The following ZYG11B variants were observed in gnomAD, a reference collection of about 807,000 sequenced individuals.
ZYG11B encodes zyg-11 family member B, cell cycle regulator.
Under a neutral mutation model 82.4 loss-of-function variants are expected in ZYG11B, and 36 were observed. That is an observed-to-expected ratio of 0.44 (90% CI 0.33 to 0.58). The LOEUF (loss-of-function observed/expected upper bound fraction) is 0.58. Ranked by LOEUF, ZYG11B falls within the 20% of genes least tolerant of loss-of-function variation. The pLI is 0.02. For synonymous variants in ZYG11B, 303 were observed against 312.8 expected (o/e 0.97, Z 0.33); for missense variants, 552 against 895.6 (o/e 0.62, Z 4.90).
chr1:52,813,167 G>C (rs764180354), intron 10 of ZYG11B, among the ~76,000 whole-genome samples: 7 of 152,094 alleles, frequency 4.6e-5, no homozygotes, highest in Non-Finnish European at 7.4e-5. Context: ...ACTACTTTCT[G>C]GTAGTTCTTT....
chr1:52,735,425 A>T (rs1185334538), intron 1 of ZYG11B, among the ~76,000 whole-genome samples: 2 of 152,312 alleles, frequency 1.3e-5, no homozygotes, highest in East Asian at 3.9e-4. Flanking sequence ...TTCTCACACT[A>T]AGTAATTGTG....
chr1:52,787,864 A>T (rs1481131879), intron 5 of ZYG11B, among the ~76,000 whole-genome samples: 1 of 152,022 alleles, frequency 6.6e-6, no homozygotes, highest in Non-Finnish European at 1.5e-5. Flanking sequence ...CTATTTTGAA[A>T]TTTTTTTAGC....
chr1:52,782,294 G>T (rs796367246), intron 4 of ZYG11B, among the ~76,000 whole-genome samples: 14 of 152,218 alleles, frequency 9.2e-5, no homozygotes, highest in African/African-American at 3.4e-4. Flanking sequence ...AACCCACTGT[G>T]TTGCCCAGGC....
intron 1 of ZYG11B, among the ~76,000 whole-genome samples, chr1:52,743,967 C>G (rs925774011): frequency 1.3e-5 from 2 of 151,814 alleles, no homozygotes; most frequent in Admixed American, 1.3e-4. Flanking sequence ...GAGTCTCGCT[C>G]TGTCACCCAG....
intron 8 of ZYG11B, among the ~76,000 whole-genome samples, chr1:52,799,151 A>T (rs570660406): frequency 1.3e-5 from 2 of 152,074 alleles, no homozygotes; most frequent in Non-Finnish European, 2.9e-5. Flanking sequence ...CTATGTAGAT[A>T]TGGTTGTAAC....
At chr1:52,804,366 A>G (rs925074738) in intron 10 of ZYG11B, among the ~76,000 whole-genome samples, 2 of 152,186 alleles carry the variant, frequency 1.3e-5, no homozygotes, top group Non-Finnish European at 2.9e-5. Flanking sequence ...TAATCCCAGC[A>G]CTTTGGGAGG....
intron 2 of ZYG11B, among the ~76,000 whole-genome samples, chr1:52,762,985 G>C (rs905408748): frequency 9.4e-5 from 13 of 138,758 alleles, no homozygotes; most frequent in East Asian, 2.4e-4. Flanking sequence ...TTGGGGGGGG[G>C]GGGTCTAGTT....
chr1:52,796,412 T>C, intron 7 of ZYG11B, 21 bp downstream of exon 7: 1 of 1,585,208 alleles, frequency 6.3e-7, no homozygotes, highest in South Asian at 1.1e-5. Context: ...TCTTGCTGAA[T>C]AATTTTCTGT....
rs760921259 is a variant in ZYG11B at position 52,771,184 on chromosome 1, A to G, written c.361A>G (p.Ile121Val). The change falls in exon 3 of 14, where the codon ATT (isoleucine) becomes GTT (valine). Residue 121 changes from isoleucine to valine, a missense_variant. Around this residue, in one of 3 missense-constraint regions of ZYG11B, gnomAD observed 359 missense variants for 555.8 expected, o/e 0.65. Coordinates refer to ENST00000294353, the MANE Select transcript of ZYG11B (RefSeq NM_024646.3). The surrounding 1 kb of genome is among the most constrained non-coding windows in gnomAD (Gnocchi z 5.4). Reference sequence around the variant, plus strand: ...CACAGGTGTGAATGCTGATATCACGATTACAGACATTATCAGTGGGCTTGG... The same window carrying G: ...CACAGGTGTGAATGCTGATATCACGGTTACAGACATTATCAGTGGGCTTGG... ...DATGVNADITITDIISGLGSN... is the reference protein window; with the variant it reads ...DATGVNADITVTDIISGLGSN... 3.1e-6 allele frequency: 5 copies of G among 1,614,112 alleles called. No individual in the cohort carries two copies. The African/African-American group carries it at 4.0e-5, about 13-fold the overall frequency.
chr1:52,776,333 C>A (rs1468616602), intron 3 of ZYG11B, among the ~76,000 whole-genome samples: 1 of 145,534 alleles, frequency 6.9e-6, no homozygotes, highest in African/African-American at 2.5e-5. Flanking sequence ...GAGTTGGAGA[C>A]CAGCCTAGCC....
At chr1:52,796,832 T>C (rs963232739) in intron 8 of ZYG11B, 48 bp downstream of exon 8, 2 of 1,219,716 alleles carry the variant, frequency 1.6e-6, no homozygotes, top group Non-Finnish European at 2.1e-6. Flanking sequence ...TTCATGTTTA[T>C]TGTTTTCAGG....
At chr1:52,742,920 C>T (rs1246161071) in intron 1 of ZYG11B, among the ~76,000 whole-genome samples, 1 of 151,032 alleles carries the variant, frequency 6.6e-6, no homozygotes, top group Non-Finnish European at 1.5e-5. Context: ...CCAGCCGCCC[C>T]GTCCGGGAGG....
At chr1:52,817,572 G>A (rs1645236347) in intron 13 of ZYG11B, among the ~76,000 whole-genome samples, 1 of 150,434 alleles carries the variant, frequency 6.6e-6, no homozygotes, top group Non-Finnish European at 1.5e-5. Flanking sequence ...TTTTTGTAGA[G>A]ATGGGGTTTC....
chr1:52,770,090 ATATTT>A (rs1253293890), intron 2 of ZYG11B, among the ~76,000 whole-genome samples: 70 of 71,072 alleles, frequency 9.8e-4, no homozygotes, highest in Middle Eastern at 7.9e-3. Flanking sequence ...ATATATATAT[ATATTT>A]TTTTTTTTTT....
chr1:52,791,824 T>C (rs1417554635), intron 6 of ZYG11B, among the ~76,000 whole-genome samples: 1 of 152,204 alleles, frequency 6.6e-6, no homozygotes, highest in East Asian at 1.9e-4. Context: ...GCTAATTTTA[T>C]TTTGGGAATA....
chr1:52,803,149 TATATACACATATATATATACACAC>T (rs1645099475), intron 10 of ZYG11B, among the ~76,000 whole-genome samples: 1 of 69,754 alleles, frequency 1.4e-5, no homozygotes, highest in African/African-American at 8.0e-5. Flanking sequence ...CATATATATA[TATATACACATATATATATACACAC>T]ATATATATAT....
intron 5 of ZYG11B, among the ~76,000 whole-genome samples, chr1:52,785,604 G>A (rs897173649): frequency 2.6e-5 from 4 of 151,964 alleles, no homozygotes; most frequent in East Asian, 1.9e-4. Context: ...TTACAGGCGC[G>A]CACCACCACA....
intron 3 of ZYG11B, among the ~76,000 whole-genome samples, chr1:52,776,637 G>C (rs1360056467): frequency 6.6e-6 from 1 of 151,802 alleles, no homozygotes; most frequent in East Asian, 1.9e-4. Flanking sequence ...TCGTATAAGA[G>C]ATTTATAAAG....
chr1:52,785,849 G>C (rs1329213481), intron 5 of ZYG11B, among the ~76,000 whole-genome samples: 2 of 152,122 alleles, frequency 1.3e-5, no homozygotes, highest in Non-Finnish European at 2.9e-5. Flanking sequence ...AGCCACATTG[G>C]TGAGTAGATC....
Sources: gnomAD v4.1 joint callset for allele counts (sites outside exome capture counted in the v4.1 genomes callset) on GRCh38, gnomAD v4.1.1 for gene constraint, gnomAD v4.1.1 regional missense constraint, Gnocchi (gnomAD v3.1) non-coding constraint, MANE v1.5 for transcripts, NCBI Gene and HGNC (gene_info 2026-07-23, HGNC 2026-07-21) for gene names.